The following RNF144A variants were observed in gnomAD, a reference collection of about 807,000 sequenced individuals.
The protein encoded by RNF144A is ring finger protein 144A, also known as E3 ubiquitin-protein ligase RNF144A.
Under a neutral mutation model 38.7 loss-of-function variants are expected in RNF144A, and 11 were observed. The ratio of observed to expected loss-of-function variants is 0.28; its 90% CI spans 0.18 to 0.47. The LOEUF is 0.47. Among genes scored for constraint, RNF144A ranks in the 20% least tolerant of loss-of-function variants. The probability of loss-of-function intolerance (pLI) is 0.99; values close to 1 mark genes in which losing one functional copy is unlikely to be tolerated. For missense variants in RNF144A, 316 were observed against 377.2 expected (o/e 0.84, Z 1.34); for synonymous variants, 149 against 143.9 (o/e 1.04, Z -0.25).
At chr2:6,961,355 G>A (rs1441465192) in intron 2 of RNF144A, among the ~76,000 whole-genome samples, 3 of 151,900 alleles carry the variant, frequency 2.0e-5, no homozygotes, top group Non-Finnish European at 2.9e-5. Context: ...AGGGGTGGAG[G>A]CGTTTTATTT....
At position 6,923,286 on chromosome 2, in the gene RNF144A, C is replaced by T. The variant is rs149953738; in HGVS notation, c.-212+5664C>T. ...AAACATTCACTGAAACGGAAATGCGCTGAAGCTGGAATCAATGCACACCTT... is the reference window on the plus strand; with the variant it reads ...AAACATTCACTGAAACGGAAATGCGTTGAAGCTGGAATCAATGCACACCTT... On this transcript the variant is annotated intron_variant, in intron 1 of 8. Coordinates refer to ENST00000320892, the MANE Select transcript of RNF144A (RefSeq NM_014746.6). Among the ~76,000 whole-genome samples, 637 of 152,326 alleles carry T rather than the reference C, an allele frequency of 4.2e-3. 4 individuals carry two copies. Among genetic ancestry groups the T allele is most frequent in the African/African-American group, 0.015 (613 of 41,580 alleles).
At chr2:6,967,809 T>C (rs1002949380) in intron 2 of RNF144A, among the ~76,000 whole-genome samples, 1 of 152,054 alleles carries the variant, frequency 6.6e-6, no homozygotes, top group East Asian at 1.9e-4. Flanking sequence ...TTCCATAGAC[T>C]CCTTTTTTTT....
intron 8 of RNF144A, among the ~76,000 whole-genome samples, chr2:7,035,146 A>T (rs1304753692): frequency 6.6e-6 from 1 of 151,318 alleles, no homozygotes; most frequent in East Asian, 1.9e-4. Flanking sequence ...TGCCTTCTCC[A>T]CTCCTGTGTC....
chr2:7,025,448 C>T (rs1671821709), intron 7 of RNF144A, among the ~76,000 whole-genome samples: 1 of 152,204 alleles, frequency 6.6e-6, no homozygotes, highest in South Asian at 2.1e-4. Flanking sequence ...CCGAGGTGGT[C>T]AGATTACCTG....
At chr2:7,050,040 G>A (rs551775302) in intron 6 of RNF144A, among the ~76,000 whole-genome samples, 5 of 152,334 alleles carry the variant, frequency 3.3e-5, no homozygotes, top group East Asian at 3.9e-4. Context: ...CACGTTGGAA[G>A]CTGGTCATGA....
chr2:7,002,256 C>G (rs962482161), intron 3 of RNF144A, among the ~76,000 whole-genome samples: 1 of 152,098 alleles, frequency 6.6e-6, no homozygotes, highest in Non-Finnish European at 1.5e-5. Flanking sequence ...TTTAATTTTT[C>G]AAACATTTTT....
At chr2:6,957,060 C>A (rs946390418) in intron 2 of RNF144A, among the ~76,000 whole-genome samples, 1 of 152,202 alleles carries the variant, frequency 6.6e-6, no homozygotes, top group Non-Finnish European at 1.5e-5. Context: ...CACACTCCAA[C>A]TGGAATGTGA....
rs1412197022 is a variant in RNF144A, at chr2:6,944,736, TTC to T, written c.-12+3595_-12+3596del. ...TCACGAGGCCAAGTAGAATTTTGTG[TTC>T]TCTCTGTTGGCCACGCCCACCTCCC... On this transcript the variant is annotated intron_variant, in intron 2 of 8. Coordinates refer to ENST00000320892, the MANE Select transcript of RNF144A (RefSeq NM_014746.6). The surrounding 1 kb of genome is among the most constrained non-coding windows in gnomAD (Gnocchi z 4.7). 6.6e-6 allele frequency among the ~76,000 whole-genome samples: 1 copy of T among 152,144 alleles called. No individual in the cohort carries two copies. The highest frequency in any genetic ancestry group is 1.5e-5 in the Non-Finnish European group (1 of 68,020).
chr2:7,031,239 G>A (rs769166517), intron 8 of RNF144A, among the ~76,000 whole-genome samples: 5 of 152,110 alleles, frequency 3.3e-5, no homozygotes, highest in Non-Finnish European at 5.9e-5. Flanking sequence ...CCCTCGTGTT[G>A]GTTAATATTA....
At chr2:7,013,731 A>G (rs1176379688) in intron 3 of RNF144A, among the ~76,000 whole-genome samples, 1 of 152,232 alleles carries the variant, frequency 6.6e-6, no homozygotes, top group Non-Finnish European at 1.5e-5. Flanking sequence ...GTAAAGCAGG[A>G]GTGAAGACCA....
At chr2:6,981,456 C>T (rs902741455) in intron 2 of RNF144A, among the ~76,000 whole-genome samples, 1 of 152,098 alleles carries the variant, frequency 6.6e-6, no homozygotes, top group Non-Finnish European at 1.5e-5. Flanking sequence ...TTTCCTCTGC[C>T]AGATACCTTA....
At chr2:7,038,809 G>T (rs945527342) in intron 8 of RNF144A, among the ~76,000 whole-genome samples, 1 of 151,900 alleles carries the variant, frequency 6.6e-6, no homozygotes, top group African/African-American at 2.4e-5. Flanking sequence ...TGGATGGATG[G>T]GTAGATGGGT....
chr2:7,075,421 G>A, the RNF144A span, among the ~76,000 whole-genome samples: 3 of 152,050 alleles, frequency 2.0e-5, no homozygotes, highest in African/African-American at 7.2e-5. Context: ...CCAAAATTTC[G>A]TGTGTTGGAA....
chr2:7,048,816 C>T (rs1558464085), downstream of RNF144A, among the ~76,000 whole-genome samples: 1 of 152,330 alleles, frequency 6.6e-6, no homozygotes, highest in South Asian at 2.1e-4. Context: ...TCTACTCAAC[C>T]TTCTGGAAGA....
intron 3 of RNF144A, among the ~76,000 whole-genome samples, chr2:7,010,147 T>C (rs1670699092): frequency 1.3e-5 from 2 of 152,152 alleles, no homozygotes; most frequent in African/African-American, 2.4e-5. Flanking sequence ...GTGTAAGCAA[T>C]ATTCCGGAGC....
At chr2:6,953,581 G>A (rs1003125573) in intron 2 of RNF144A, among the ~76,000 whole-genome samples, 7 of 151,994 alleles carry the variant, frequency 4.6e-5, no homozygotes, top group Non-Finnish European at 4.4e-5. Flanking sequence ...ATTTTCCAAC[G>A]TGTGGGATCT....
At chr2:6,938,522 A>G (rs948218419) in intron 1 of RNF144A, among the ~76,000 whole-genome samples, 1 of 152,132 alleles carries the variant, frequency 6.6e-6, no homozygotes, top group African/African-American at 2.4e-5. Context: ...CTGGGATTAC[A>G]GGTGTGAGCC....
rs534411322 is a variant in RNF144A at position 7,043,596 on chromosome 2, C to T, written c.*3836C>T. 1 of 985,528 alleles carries T rather than the reference C, an allele frequency of 1.0e-6. No individual in the cohort carries two copies. The highest frequency in any genetic ancestry group is 1.7e-5 in the African/African-American group (1 of 57,298). 61.0% of individuals were successfully genotyped at this position (985,528 alleles called of 1,614,324 possible). A position where few individuals can be genotyped will look rare whatever the true frequency, so the allele number is the denominator to read the frequency against. On this transcript the variant is annotated 3_prime_UTR_variant, in exon 9 of 9. Transcript: ENST00000320892. ...TAACCTAAGCCCTTATGAAAATAAA[C>T]AAAATGAAGGGATTATGACAGGTAT...
At chr2:7,008,999 C>T (rs548950249) in intron 3 of RNF144A, among the ~76,000 whole-genome samples, 1 of 152,226 alleles carries the variant, frequency 6.6e-6, no homozygotes, top group Non-Finnish European at 1.5e-5. Context: ...CACATCTTCA[C>T]TGAGCATCTA....
Sources: gnomAD v4.1 joint callset for allele counts (sites outside exome capture counted in the v4.1 genomes callset) on GRCh38, gnomAD v4.1.1 for gene constraint, Gnocchi (gnomAD v3.1) non-coding constraint, MANE v1.5 for transcripts, NCBI Gene and HGNC (gene_info 2026-07-23, HGNC 2026-07-21) for gene names.